Variants in CDIN1 observed in about 807,000 individuals in gnomAD.
The protein encoded by CDIN1 is CDAN1-interacting nuclease 1.
CDIN1 carries 33 observed loss-of-function variants against 45.3 expected under a neutral mutation model. The ratio of observed to expected loss-of-function variants is 0.73; its 90% CI spans 0.55 to 0.97. CDIN1 has a LOEUF of 0.97. Ranked by LOEUF, CDIN1 falls within the 50% of genes least tolerant of loss-of-function variation. CDIN1 has a pLI of 0.00. For missense variants in CDIN1, 303 were observed against 339.4 expected (o/e 0.89, Z 0.84); for synonymous variants, 118 against 124.4 (o/e 0.95, Z 0.34).
chr15:36,806,198 A>G (rs143646636), intron 10 of CDIN1, among the ~76,000 whole-genome samples: 78 of 152,306 alleles, frequency 5.1e-4, no homozygotes, highest in African/African-American at 1.7e-3. Flanking sequence ...TTGCAGGAAT[A>G]TCTGTTGCCT....
rs1317191296 is a variant in CDIN1, at chr15:36,699,235, TTTGTG to T, written c.544+1846_544+1850del. On this transcript the variant is annotated intron_variant, in intron 8 of 10. Coordinates refer to ENST00000566621, the MANE Select transcript of CDIN1 (RefSeq NM_001321759.2). ...TAATGTAGCACTGAATTAACATATG[TTTGTG>T]GTTGAAAAATGAAAATTGAAAGCTT... Among the ~76,000 whole-genome samples the T allele has an allele frequency of 2.0e-3, 311 of 152,282 alleles. 1 individual carries two copies. Among genetic ancestry groups the T allele is most frequent in the African/African-American group, 6.9e-3 (286 of 41,544 alleles).
intron 1 of CDIN1, among the ~76,000 whole-genome samples, chr15:36,637,720 C>G (rs1232307620): frequency 2.0e-5 from 3 of 152,142 alleles, no homozygotes; most frequent in Non-Finnish European, 4.4e-5. Flanking sequence ...TTGGCGTATA[C>G]TCATTCGATA....
At chr15:36,802,980 T>A (rs190780980) in intron 10 of CDIN1, among the ~76,000 whole-genome samples, 8 of 152,182 alleles carry the variant, frequency 5.3e-5, no homozygotes, top group African/African-American at 1.9e-4. Flanking sequence ...GCAGCATTTG[T>A]GTTTCCTGCA....
At chr15:36,654,270 G>A (rs2040691907) in intron 4 of CDIN1, 112 bp downstream of exon 4, 3 of 778,268 alleles carry the variant, frequency 3.9e-6, no homozygotes, top group South Asian at 1.8e-5. Flanking sequence ...GATTTGAGGT[G>A]CATTAGACAT....
intron 5 of CDIN1, among the ~76,000 whole-genome samples, chr15:36,690,218 A>G (rs886249565): frequency 5.3e-5 from 8 of 152,164 alleles, no homozygotes; most frequent in Admixed American, 2.0e-4. Flanking sequence ...TACTATTTTT[A>G]AGTGAATAAG....
intron 5 of CDIN1, among the ~76,000 whole-genome samples, chr15:36,687,228 T>C (rs2042092527): frequency 6.6e-6 from 1 of 152,122 alleles, no homozygotes; most frequent in South Asian, 2.1e-4. Context: ...TTGTAATGAA[T>C]GTAAATGGGT....
At chr15:36,792,437 G>A (rs1595604708) in intron 10 of CDIN1, among the ~76,000 whole-genome samples, 1 of 152,072 alleles carries the variant, frequency 6.6e-6, no homozygotes, top group Non-Finnish European at 1.5e-5. Context: ...CCTCGTGCCC[G>A]CAGACTTCTC....
At chr15:36,585,488 T>G (rs1330681733) in intron 1 of CDIN1, among the ~76,000 whole-genome samples, 1 of 152,198 alleles carries the variant, frequency 6.6e-6, no homozygotes, top group Non-Finnish European at 1.5e-5. Flanking sequence ...CCTTTGTGTT[T>G]GATGTTTATT....
At chr15:36,583,682 A>G (rs905113176) in intron 1 of CDIN1, among the ~76,000 whole-genome samples, 3 of 152,200 alleles carry the variant, frequency 2.0e-5, no homozygotes, top group Non-Finnish European at 4.4e-5. Context: ...TTAAGTTCCT[A>G]TAGCATATTT....
chr15:36,710,595 A>G (rs2043021741), intron 10 of CDIN1, among the ~76,000 whole-genome samples: 1 of 152,152 alleles, frequency 6.6e-6, no homozygotes, highest in African/African-American at 2.4e-5. Context: ...GGCTGCATTT[A>G]TCTCTCACTC....
intron 5 of CDIN1, among the ~76,000 whole-genome samples, chr15:36,677,083 G>A (rs146135507): frequency 1.5e-3 from 232 of 152,144 alleles, no homozygotes; most frequent in African/African-American, 5.3e-3. Context: ...CTTTCCTTTG[G>A]CAGTGTGTTC....
intron 5 of CDIN1, among the ~76,000 whole-genome samples, chr15:36,660,529 A>G (rs2040968036): frequency 6.6e-6 from 1 of 152,140 alleles, no homozygotes; most frequent in African/African-American, 2.4e-5. Context: ...TTGATAACAT[A>G]TACTTTAGGA....
chr15:36,657,916 C>CT lies in CDIN1; in HGVS notation c.346+17dup. 6.2e-7 allele frequency: 1 copy of CT among 1,600,720 alleles called. No homozygotes were observed. Among genetic ancestry groups the CT allele is most frequent in the Non-Finnish European group, 8.5e-7 (1 of 1,170,818 alleles). On this transcript the variant is annotated intron_variant, in intron 5 of 10. Transcript: ENST00000566621. ...ACGAGGAAACTCCACGTGAGTTACC[C>CT]TTTTTTCCTAATGGTACTCTTTTAC...
chr15:36,654,697 A>G (rs1228999887), intron 4 of CDIN1, among the ~76,000 whole-genome samples: 2 of 152,180 alleles, frequency 1.3e-5, no homozygotes, highest in African/African-American at 4.8e-5. Flanking sequence ...GTAAGAAGTG[A>G]TTTATTGAAC....
chr15:36,800,859 ATGTGTGTGTGTGTGTATATATGTG>A (rs1209209539), intron 10 of CDIN1, among the ~76,000 whole-genome samples: 8 of 93,674 alleles, frequency 8.5e-5, no homozygotes, highest in South Asian at 4.2e-4. Flanking sequence ...GATTATACAT[ATGTGTGTGTGTGTGTATATATGTG>A]TGTGTGTGTG....
intron 10 of CDIN1, among the ~76,000 whole-genome samples, chr15:36,741,518 G>C (rs1225338596): frequency 6.7e-6 from 1 of 150,210 alleles, no homozygotes; most frequent in Non-Finnish European, 1.5e-5. Context: ...TGATGCTCTA[G>C]GGGTCCTAGT....
rs368058519 is a variant in CDIN1 at position 36,751,873 on chromosome 15, TA to T, written c.716+41913del. On this transcript the variant is annotated intron_variant, in intron 10 of 10. Transcript: ENST00000566621. ...GGTCATGGATGGAGCTGGAAGCCAT[TA>T]TGCTCAGCAAACTAACGCAGGAACA... 7.0e-4 allele frequency among the ~76,000 whole-genome samples: 106 copies of T among 152,284 alleles called. 1 individual carries two copies. In the East Asian group the frequency reaches 0.014, roughly 20 times the overall value.
chr15:36,686,907 G>A (rs2042076708), intron 5 of CDIN1, among the ~76,000 whole-genome samples: 1 of 139,420 alleles, frequency 7.2e-6, no homozygotes, highest in Admixed American at 7.2e-5. Flanking sequence ...GAGAGGGAGG[G>A]AGAGAGGGAA....
chr15:36,693,637 T>C (rs2042325110), intron 7 of CDIN1, among the ~76,000 whole-genome samples: 1 of 152,210 alleles, frequency 6.6e-6, no homozygotes, highest in African/African-American at 2.4e-5. Flanking sequence ...TAATTATGTA[T>C]GCACGGACTA....
Sources: gnomAD v4.1 joint callset for allele counts (sites outside exome capture counted in the v4.1 genomes callset) on GRCh38, gnomAD v4.1.1 for gene constraint, MANE v1.5 for transcripts, NCBI Gene and HGNC (gene_info 2026-07-23, HGNC 2026-07-21) for gene names.